Variants in BCL2L13 observed in about 807,000 individuals in gnomAD.
BCL2L13 encodes BCL2 like 13, also known as bcl-2-like protein 13.
In BCL2L13, 13 loss-of-function variants were observed where a neutral mutation model predicts 25.8. The ratio of observed to expected loss-of-function variants is 0.50; its 90% CI spans 0.33 to 0.80. The LOEUF (loss-of-function observed/expected upper bound fraction) is 0.80, where lower values mean the gene tolerates loss of function less well. Among genes scored for constraint, BCL2L13 ranks in the 30% least tolerant of loss-of-function variants. The pLI is 0.02. For synonymous variants in BCL2L13, 244 were observed against 230.3 expected (o/e 1.06, Z -0.54); for missense variants, 504 against 574.9 (o/e 0.88, Z 1.26).
chr22:17,712,083 T>C (rs1274218748), intron 6 of BCL2L13, among the ~76,000 whole-genome samples: 5 of 152,134 alleles, frequency 3.3e-5, no homozygotes, highest in Non-Finnish European at 7.4e-5. Context: ...AGTACACTGT[T>C]TTAAGCCACT....
chr22:17,651,263 G>T (rs2058674993), intron 1 of BCL2L13, among the ~76,000 whole-genome samples: 1 of 151,882 alleles, frequency 6.6e-6, no homozygotes, highest in Non-Finnish European at 1.5e-5. Flanking sequence ...CTCCCAAAGT[G>T]CTAGGATTAT....
chr22:17,637,247 A>G (rs545841384), upstream of BCL2L13, among the ~76,000 whole-genome samples: 87 of 151,912 alleles, frequency 5.7e-4, 2 homozygotes, highest in South Asian at 0.017. Flanking sequence ...CCTCTACTAA[A>G]AATACAAAAA....
rs985629280 is a variant in BCL2L13 at position 17,638,875 on chromosome 22, G to A, written c.-62G>A. On this transcript the variant is annotated 5_prime_UTR_variant, in exon 1 of 7. Coordinates refer to ENST00000317582, the MANE Select transcript of BCL2L13 (RefSeq NM_015367.4). ...CCTCTTTCATCTCTTCTGGGGCAGGGGCCAGGGCCAGGTGAGGGGAGTGGG... is the reference window on the plus strand; with the variant it reads ...CCTCTTTCATCTCTTCTGGGGCAGGAGCCAGGGCCAGGTGAGGGGAGTGGG... 14 of 1,232,558 alleles carry A rather than the reference G, an allele frequency of 1.1e-5. No individual in the cohort carries two copies. The South Asian group carries it at 5.3e-4, about 47-fold the overall frequency. The allele number at this position is 1,232,558 out of a possible 1,614,324, so 76.4% of individuals were successfully genotyped here. A position where few individuals can be genotyped will look rare whatever the true frequency, so the allele number is the denominator to read the frequency against.
chr22:17,683,075 G>C (rs1275474884), intron 2 of BCL2L13, 139 bp from the exon 3 acceptor site: 2 of 517,520 alleles, frequency 3.9e-6, no homozygotes, highest in Non-Finnish European at 7.0e-6. Flanking sequence ...AGAGGTTGCA[G>C]TGAGCGGAGA....
intron 6 of BCL2L13, among the ~76,000 whole-genome samples, chr22:17,708,195 T>C (rs528790516): frequency 2.0e-5 from 3 of 152,108 alleles, no homozygotes; most frequent in Admixed American, 6.5e-5. Flanking sequence ...AATGCATGTA[T>C]CTGTGTGTTT....
At chr22:17,720,016 A>AG (rs1053628208) in intron 6 of BCL2L13, among the ~76,000 whole-genome samples, 1 of 152,074 alleles carries the variant, frequency 6.6e-6, no homozygotes, top group Non-Finnish European at 1.5e-5. Context: ...GGGGATGAAA[A>AG]GGGGGAGAAT....
intron 2 of BCL2L13, among the ~76,000 whole-genome samples, chr22:17,677,943 G>A (rs1039227427): frequency 2.6e-5 from 4 of 152,116 alleles, no homozygotes; most frequent in Admixed American, 2.0e-4. Context: ...CTACTTGAGA[G>A]GCTGAGGTGG....
intron 6 of BCL2L13, among the ~76,000 whole-genome samples, chr22:17,718,906 C>T (rs2061021259): frequency 6.6e-6 from 1 of 151,988 alleles, no homozygotes; most frequent in Non-Finnish European, 1.5e-5. Flanking sequence ...TGCCTGTAAT[C>T]CCAGCACTTT....
chr22:17,695,791 G>T, intron 4 of BCL2L13: 1 of 177,176 alleles, frequency 5.6e-6, no homozygotes, highest in Admixed American at 5.6e-5. Context: ...TTTTCATTGT[G>T]CTAATGAGAT....
chr22:17,675,693 T>TAG (rs2059557019), intron 2 of BCL2L13, among the ~76,000 whole-genome samples: 1 of 152,168 alleles, frequency 6.6e-6, no homozygotes, highest in African/African-American at 2.4e-5. Flanking sequence ...GCAAGTCCAT[T>TAG]AGAGGCAAGC....
chr22:17,658,686 ACT>A (rs2058964073), intron 2 of BCL2L13, among the ~76,000 whole-genome samples: 1 of 125,948 alleles, frequency 7.9e-6, no homozygotes, highest in East Asian at 2.3e-4. Flanking sequence ...ACAGAGCAAG[ACT>A]CTGTCACCAA....
chr22:17,695,955 A>C (rs559068858), intron 4 of BCL2L13, 186 bp from the exon 5 acceptor site: 1 of 507,062 alleles, frequency 2.0e-6, no homozygotes, highest in East Asian at 2.9e-5. Context: ...CATGCATCAC[A>C]GCTTATAGAA....
chr22:17,708,663 G>A (rs970032641), intron 6 of BCL2L13, among the ~76,000 whole-genome samples: 9 of 152,070 alleles, frequency 5.9e-5, no homozygotes, highest in African/African-American at 2.2e-4. Context: ...GCAGTTCTCT[G>A]CTTCTTTGTG....
intron 1 of BCL2L13, among the ~76,000 whole-genome samples, chr22:17,640,844 T>G (rs2058250101): frequency 6.6e-6 from 1 of 151,470 alleles, no homozygotes. Context: ...ACAGAGACCC[T>G]GACTCAAAAA....
chr22:17,634,930 A>T (rs2058080509), upstream of BCL2L13, among the ~76,000 whole-genome samples: 1 of 151,642 alleles, frequency 6.6e-6, no homozygotes, highest in South Asian at 2.1e-4. Context: ...CCTGGGTAAC[A>T]GAGTGGAAGT....
In BCL2L13 at chr22:17,689,075, C is replaced by T. The variant is rs1601670938; in HGVS notation, c.319C>T (p.Leu107Phe). 4 of 1,614,154 alleles carry T rather than the reference C, an allele frequency of 2.5e-6. No homozygotes were observed. The Middle Eastern group carries it at 5.0e-4, about 200-fold the overall frequency. Residue 107 changes from leucine (L) to phenylalanine (F), a missense_variant, in exon 4 of 7, where the codon CTT becomes TTT. Physicochemically the swap from Leu to Phe is conservative, Grantham distance 22. Coordinates refer to ENST00000317582, the MANE Select transcript of BCL2L13 (RefSeq NM_015367.4). ...ESSMEDCLAHLGEKVSQELKE... is the reference protein window; with the variant it reads ...ESSMEDCLAHFGEKVSQELKE... Reference sequence around the variant, plus strand: ...CTCAATGGAAGACTGCTTGGCCCATCTTGGAGAAAAAGTGTCCCAGGAACT... The same window carrying T: ...CTCAATGGAAGACTGCTTGGCCCATTTTGGAGAAAAAGTGTCCCAGGAACT...
chr22:17,646,769 G>T (rs1191220362), intron 1 of BCL2L13, among the ~76,000 whole-genome samples: 1 of 124,880 alleles, frequency 8.0e-6, no homozygotes, highest in African/African-American at 3.1e-5. Context: ...GCCTAGGCTG[G>T]AGTGCAGTTG....
At chr22:17,723,864 C>T (rs981894649) in intron 6 of BCL2L13, among the ~76,000 whole-genome samples, 2 of 150,256 alleles carry the variant, frequency 1.3e-5, no homozygotes, top group Admixed American at 6.7e-5. Flanking sequence ...ACCTGGGAGA[C>T]GGAGGTTGCA....
chr22:17,710,733 C>T (rs552344874), intron 6 of BCL2L13, among the ~76,000 whole-genome samples: 20 of 151,900 alleles, frequency 1.3e-4, no homozygotes, highest in Non-Finnish European at 2.2e-4. Context: ...AAAAATTAGC[C>T]GGGCGTGGTG....
Sources: allele counts gnomAD v4.1 joint callset (sites outside exome capture counted in the v4.1 genomes callset), GRCh38; gene constraint gnomAD v4.1.1; transcripts MANE v1.5; gene names NCBI Gene and HGNC (gene_info 2026-07-23, HGNC 2026-07-21).